The following GDAP1 variants were observed in gnomAD, a reference collection of about 807,000 sequenced individuals.
The protein encoded by GDAP1 is ganglioside induced differentiation associated protein 1.
In GDAP1, 34 loss-of-function variants were observed where a neutral mutation model predicts 40.1. That is an observed-to-expected ratio of 0.85 (90% CI 0.64 to 1.13). The LOEUF (loss-of-function observed/expected upper bound fraction) is 1.13, where lower values mean the gene tolerates loss of function less well. Ranked by LOEUF, GDAP1 falls within the 50% of genes most tolerant of loss-of-function variation. The pLI, the probability that GDAP1 is intolerant of heterozygous loss-of-function variation, is 0.00. For synonymous variants in GDAP1, 170 were observed against 157.4 expected (o/e 1.08, Z -0.60); for missense variants, 374 against 433.7 (o/e 0.86, Z 1.22).
intron 2 of GDAP1, among the ~76,000 whole-genome samples, chr8:74,463,947 A>AAAT (rs71270002): frequency 1.3e-4 from 19 of 151,578 alleles, no homozygotes; most frequent in Non-Finnish European, 2.7e-4. Flanking sequence ...AAGGGAAAAA[A>AAAT]TCCATAAATA....
At chr8:74,357,529 C>T (rs1041329452) in intron 2 of GDAP1, among the ~76,000 whole-genome samples, 3 of 152,098 alleles carry the variant, frequency 2.0e-5, no homozygotes, top group African/African-American at 7.2e-5. Flanking sequence ...TTTTGGTTTC[C>T]TCTGCTGTTT....
At position 74,414,827 on chromosome 8, in the gene GDAP1, A is replaced by G. The variant is rs1040712229; in HGVS notation, c.165+63506A>G. 5.3e-5 allele frequency among the ~76,000 whole-genome samples: 8 copies of G among 150,008 alleles called. No individual in the cohort carries two copies. In the East Asian group the frequency reaches 1.5e-3, roughly 29 times the overall value. ...GTGAAACACAAAGCCTATAGCTTCA[A>G]GAAACTCCATGAACCCCAAGCAAGA... On this transcript the variant is annotated intron_variant, in intron 2 of 2. Transcript: ENST00000523640.
intron 2 of GDAP1, among the ~76,000 whole-genome samples, chr8:74,460,381 C>T (rs915804673): frequency 1.3e-5 from 2 of 152,168 alleles, no homozygotes; most frequent in East Asian, 1.9e-4. Flanking sequence ...TCTTGATTCT[C>T]CTCCATTTCA....
intron 2 of GDAP1, among the ~76,000 whole-genome samples, chr8:74,381,516 G>C (rs1027388602): frequency 6.6e-6 from 1 of 152,254 alleles, no homozygotes; most frequent in African/African-American, 2.4e-5. Flanking sequence ...AGCACTTTGA[G>C]AGGCCGACGT....
intron 2 of GDAP1, among the ~76,000 whole-genome samples, chr8:74,449,907 G>T: frequency 6.6e-6 from 1 of 151,624 alleles, no homozygotes; most frequent in Non-Finnish European, 1.5e-5. Context: ...GCATCTTTTA[G>T]GTGATCATAT....
At chr8:74,455,814 A>T (rs1234110108) in intron 2 of GDAP1, among the ~76,000 whole-genome samples, 1 of 151,954 alleles carries the variant, frequency 6.6e-6, no homozygotes, top group East Asian at 1.9e-4. Flanking sequence ...TGCATAGCAG[A>T]CTAAATAATC....
intron 2 of GDAP1, among the ~76,000 whole-genome samples, chr8:74,422,332 T>C (rs748820522): frequency 0.042 from 2,674 of 64,058 alleles, 64 homozygotes; most frequent in African/African-American, 0.071. Context: ...TTTCTTTCTT[T>C]CTTTCTTTCT....
chr8:74,394,443 G>A (rs1232614739), intron 2 of GDAP1, among the ~76,000 whole-genome samples: 1 of 152,150 alleles, frequency 6.6e-6, no homozygotes, highest in African/African-American at 2.4e-5. Context: ...ACTTTGGGTA[G>A]AACCTTCTAG....
In GDAP1 at chr8:74,485,302, A is replaced by G. The variant is rs77323421; in HGVS notation, c.166-3376A>G. Among the ~76,000 whole-genome samples the G allele has an allele frequency of 6.3e-3, 963 of 152,308 alleles. 6 individuals carry two copies. Among genetic ancestry groups the G allele is most frequent in the African/African-American group, 0.022 (919 of 41,572 alleles). ...GCAGTGCAGCAATCTAAGTCAAGTA[A>G]TTGTTGACCTAGGTTCTATACCAAG... On this transcript the variant is annotated intron_variant, in intron 2 of 2. Transcript: ENST00000523640.
chr8:74,448,998 A>T (rs561356093), intron 2 of GDAP1, among the ~76,000 whole-genome samples: 1 of 151,972 alleles, frequency 6.6e-6, no homozygotes, highest in African/African-American at 2.4e-5. Flanking sequence ...TTATTTTTAC[A>T]TTTAGGCAAC....
chr8:74,401,600 A>C (rs990670795), intron 2 of GDAP1, among the ~76,000 whole-genome samples: 28 of 139,056 alleles, frequency 2.0e-4, no homozygotes, highest in South Asian at 2.4e-4. Flanking sequence ...TGGTGAGGAA[A>C]TGCGTTCCTT....
At chr8:74,430,036 C>T (rs1279617891) in intron 2 of GDAP1, among the ~76,000 whole-genome samples, 2 of 152,034 alleles carry the variant, frequency 1.3e-5, no homozygotes, top group African/African-American at 4.8e-5. Flanking sequence ...GAGAAATGAA[C>T]ATAGTTCGGA....
chr8:74,413,982 T>C (rs957323421), intron 2 of GDAP1, among the ~76,000 whole-genome samples: 4 of 150,096 alleles, frequency 2.7e-5, no homozygotes, highest in Admixed American at 2.0e-4. Context: ...TAAAAAAGCA[T>C]ATGTAGACTT....
intron 2 of GDAP1, among the ~76,000 whole-genome samples, chr8:74,407,293 A>C (rs563985097): frequency 2.7e-5 from 4 of 149,800 alleles, no homozygotes; most frequent in African/African-American, 1.0e-4. Flanking sequence ...CGTCAACTTG[A>C]TTGAATCGAA....
Position 74,363,892 on chromosome 8 carries a change from ACACT to A in GDAP1, c.695-89_695-86del. On this transcript the variant is annotated intron_variant, in intron 5 of 5. Transcript: ENST00000220822. ...ATGTCCTTCATCTTTTGCTATACTC[ACACT>A]CACCCTTAAGGGTGAGACCACTGAT... 5.0e-6 allele frequency: 5 copies of A among 990,280 alleles called. No homozygotes were observed. In the South Asian group the frequency reaches 6.4e-5, roughly 13 times the overall value. 61.3% of individuals were successfully genotyped at this position (990,280 alleles called of 1,614,324 possible).
intron 2 of GDAP1, 61 bp downstream of exon 2, chr8:74,351,527 TTC>T: frequency 4.4e-6 from 5 of 1,134,638 alleles, no homozygotes; most frequent in Non-Finnish European, 6.7e-6. Flanking sequence ...TGTGTTCCCT[TTC>T]TCTTTTTCTC....
intron 2 of GDAP1, among the ~76,000 whole-genome samples, chr8:74,486,223 A>G: frequency 6.6e-6 from 1 of 152,214 alleles, no homozygotes; most frequent in Non-Finnish European, 1.5e-5. Context: ...AAACCTATAG[A>G]GTTACTATTA....
At chr8:74,368,241 G>C (rs1809693065), downstream of GDAP1, among the ~76,000 whole-genome samples, 1 of 152,112 alleles carries the variant, frequency 6.6e-6, no homozygotes, top group Non-Finnish European at 1.5e-5. Flanking sequence ...TTTTAACAAA[G>C]TAAAATTTCA....
intron 2 of GDAP1, among the ~76,000 whole-genome samples, chr8:74,463,098 T>TAAAAAAAAAAAA: frequency 1.7e-3 from 1 of 574 alleles, no homozygotes; most frequent in Non-Finnish European, 5.2e-3. Context: ...ATAACATTTC[T>TAAAAAAAAAAAA]AAGATTGATC....
Sources: allele counts gnomAD v4.1 joint callset (sites outside exome capture counted in the v4.1 genomes callset), GRCh38; gene constraint gnomAD v4.1.1; transcripts MANE v1.5; gene names NCBI Gene and HGNC (gene_info 2026-07-23, HGNC 2026-07-21).